Variants in CDH12 observed in about 807,000 individuals in gnomAD.
CDH12 encodes the protein cadherin-12.
A neutral mutation model predicts 74.1 loss-of-function variants in CDH12; 41 were observed. The observed-to-expected ratio is 0.55, with a 90% CI of 0.43 to 0.72. The LOEUF is 0.72. Ranked by LOEUF, CDH12 falls within the 30% of genes least tolerant of loss-of-function variation. The probability of loss-of-function intolerance (pLI) is 0.00; values close to 1 mark genes in which losing one functional copy is unlikely to be tolerated. For missense variants in CDH12, 945 were observed against 977.2 expected, an observed-to-expected ratio of 0.97 and a Z score of 0.44; for synonymous variants, 399 against 355.0, an observed-to-expected ratio of 1.12 and a Z score of -1.39.
intron 9 of CDH12, among the ~76,000 whole-genome samples, chr5:21,807,651 A>C (rs1747508158): frequency 6.6e-6 from 1 of 152,084 alleles, no homozygotes; most frequent in Non-Finnish European, 1.5e-5. Flanking sequence ...GTGGAAATGG[A>C]TAGCTATGGT....
intron 6 of CDH12, among the ~76,000 whole-genome samples, chr5:21,961,657 A>G (rs555503193): frequency 1.4e-3 from 216 of 152,242 alleles, no homozygotes; most frequent in African/African-American, 5.1e-3. Flanking sequence ...TTGGACACAA[A>G]AATGCCACCA....
intron 3 of CDH12, among the ~76,000 whole-genome samples, chr5:22,331,306 C>A (rs1739342730): frequency 6.6e-6 from 1 of 152,218 alleles, no homozygotes; most frequent in African/African-American, 2.4e-5. Flanking sequence ...TCAGCAGTCT[C>A]AGTGGTGGTA....
At chr5:22,681,955 TA>T (rs1367584700) in intron 1 of CDH12, among the ~76,000 whole-genome samples, 2 of 151,412 alleles carry the variant, frequency 1.3e-5, no homozygotes, top group Non-Finnish European at 2.9e-5. Context: ...CATCAAACAG[TA>T]AAACAGAAGG....
intron 3 of CDH12, among the ~76,000 whole-genome samples, chr5:22,260,343 T>C (rs1188291838): frequency 2.6e-5 from 4 of 152,052 alleles, no homozygotes; most frequent in South Asian, 4.1e-4. Flanking sequence ...TTCTGTGAAA[T>C]TGATAATTTT....
At position 21,783,348 on chromosome 5, in the gene CDH12, C is replaced by T; in HGVS notation, c.1393+10G>A. ...CAGTATAACATTGATTCTGTCCATG[C>T]CATACTTACTAACTTTACTCGCAAT... On this transcript the variant is annotated intron_variant, in intron 11 of 14. Coordinates refer to ENST00000382254, the MANE Select transcript of CDH12 (RefSeq NM_004061.5). 1.2e-6 allele frequency: 2 copies of T among 1,610,244 alleles called. No homozygotes were observed. The highest frequency in any genetic ancestry group is 1.1e-5 in the South Asian group (1 of 90,792).
chr5:22,737,503 A>G (rs1744793746), intron 1 of CDH12, among the ~76,000 whole-genome samples: 1 of 151,974 alleles, frequency 6.6e-6, no homozygotes, highest in Non-Finnish European at 1.5e-5. Flanking sequence ...GTATTTGCGT[A>G]ATAAAAATTA....
At chr5:22,844,980 A>G (rs890748783) in intron 1 of CDH12, among the ~76,000 whole-genome samples, 3 of 152,172 alleles carry the variant, frequency 2.0e-5, no homozygotes, top group African/African-American at 7.2e-5. Flanking sequence ...ACTGAATCTT[A>G]GAGCCAATTA....
At chr5:21,824,279 G>A (rs1748538046) in intron 8 of CDH12, among the ~76,000 whole-genome samples, 1 of 152,020 alleles carries the variant, frequency 6.6e-6, no homozygotes, top group African/African-American at 2.4e-5. Context: ...TAGGAGGCTG[G>A]ACTGTTCTTA....
At chr5:21,841,670 A>G (rs1418355292) in intron 8 of CDH12, among the ~76,000 whole-genome samples, 1 of 151,906 alleles carries the variant, frequency 6.6e-6, no homozygotes, top group Non-Finnish European at 1.5e-5. Context: ...ATGGAATACT[A>G]TGCAGCCATA....
chr5:22,363,182 T>C (rs1391377370), intron 3 of CDH12, among the ~76,000 whole-genome samples: 1 of 152,086 alleles, frequency 6.6e-6, no homozygotes, highest in Non-Finnish European at 1.5e-5. Flanking sequence ...GAAAAATTGG[T>C]AACTAAAGTA....
At chr5:22,840,155 T>C (rs561435449) in intron 1 of CDH12, among the ~76,000 whole-genome samples, 16 of 152,292 alleles carry the variant, frequency 1.1e-4, no homozygotes, top group African/African-American at 3.6e-4. Context: ...CAGTCTCGCT[T>C]TATCACCCAG....
At chr5:22,590,964 G>A (rs1051511130) in intron 1 of CDH12, among the ~76,000 whole-genome samples, 3 of 152,126 alleles carry the variant, frequency 2.0e-5, no homozygotes, top group Non-Finnish European at 4.4e-5. Context: ...CCAATTATGA[G>A]AGGTGTTCCA....
intron 5 of CDH12, among the ~76,000 whole-genome samples, chr5:22,004,245 C>G (rs1736797892): frequency 6.6e-6 from 1 of 152,164 alleles, no homozygotes; most frequent in African/African-American, 2.4e-5. Context: ...GTAAACTATT[C>G]CTTCCTCATG....
chr5:22,089,019 A>C (rs1580230241), intron 4 of CDH12, among the ~76,000 whole-genome samples: 1 of 152,312 alleles, frequency 6.6e-6, no homozygotes, highest in South Asian at 2.1e-4. Flanking sequence ...ACAATGGTAA[A>C]AAGTAAAAAT....
At chr5:22,103,965 G>A (rs1387523155) in intron 4 of CDH12, among the ~76,000 whole-genome samples, 1 of 152,150 alleles carries the variant, frequency 6.6e-6, no homozygotes, top group Non-Finnish European at 1.5e-5. Flanking sequence ...CATCATTATG[G>A]TTTGGAAGAA....
intron 3 of CDH12, among the ~76,000 whole-genome samples, chr5:22,220,226 G>C (rs1251514191): frequency 4.0e-5 from 6 of 151,694 alleles, no homozygotes; most frequent in African/African-American, 1.5e-4. Context: ...GCGTATGTGT[G>C]TGTGCATGTA....
chr5:22,810,378 G>GA (rs755996867), intron 1 of CDH12, among the ~76,000 whole-genome samples: 3 of 152,140 alleles, frequency 2.0e-5, no homozygotes, highest in Non-Finnish European at 4.4e-5. Context: ...TGTTGGGTTT[G>GA]AATTGCCAGT....
intron 1 of CDH12, among the ~76,000 whole-genome samples, chr5:22,567,752 T>G (rs997496303): frequency 2.0e-5 from 3 of 152,216 alleles, no homozygotes; most frequent in African/African-American, 4.8e-5. Flanking sequence ...CTATTTGCAA[T>G]GATTTGGATT....
chr5:22,781,801 A>C (rs1411602491), intron 1 of CDH12, among the ~76,000 whole-genome samples: 33 of 152,176 alleles, frequency 2.2e-4, no homozygotes. Context: ...ATTGGAGGAA[A>C]TGGTAAAGAT....
Sources: gnomAD v4.1 joint callset for allele counts (sites outside exome capture counted in the v4.1 genomes callset) on GRCh38, gnomAD v4.1.1 for gene constraint, MANE v1.5 for transcripts, NCBI Gene and HGNC (gene_info 2026-07-23, HGNC 2026-07-21) for gene names.